The following FIG4 variants were observed in gnomAD, a reference collection of about 807,000 sequenced individuals.
FIG4 encodes FIG4 phosphoinositide 5-phosphatase.
In FIG4, 112 loss-of-function variants were observed where a neutral mutation model predicts 118.6. The observed-to-expected ratio is 0.94, with a 90% CI of 0.81 to 1.11. The LOEUF is 1.11. FIG4 is among the 50% of genes least tolerant of loss of function. The pLI is 0.00. For missense variants in FIG4, 969 were observed against 1,111.7 expected (o/e 0.87, Z 1.83); for synonymous variants, 369 against 381.2 (o/e 0.97, Z 0.37).
intron 10 of FIG4, among the ~76,000 whole-genome samples, chr6:109,759,426 A>C (rs117507381): frequency 0.02 from 3,083 of 152,234 alleles, 76 homozygotes; most frequent in East Asian, 0.09. Context: ...AGAAAAAAAA[A>C]GAAAAAAAAC....
intron 3 of FIG4, among the ~76,000 whole-genome samples, chr6:109,722,495 A>G (rs1285680920): frequency 3.9e-5 from 6 of 152,094 alleles, no homozygotes; most frequent in Non-Finnish European, 5.9e-5. Flanking sequence ...CCTAGCTTAG[A>G]CTTTATAGAC....
At chr6:109,744,592 A>G (rs1328904799) in intron 10 of FIG4, among the ~76,000 whole-genome samples, 1 of 152,064 alleles carries the variant, frequency 6.6e-6, no homozygotes, top group African/African-American at 2.4e-5. Context: ...TGAAAAACCA[A>G]GGAAGCCTGT....
At chr6:109,773,261 G>C (rs1299360795) in intron 15 of FIG4, among the ~76,000 whole-genome samples, 1 of 152,156 alleles carries the variant, frequency 6.6e-6, no homozygotes, top group Non-Finnish European at 1.5e-5. Context: ...TGCAGTTGAT[G>C]ATGAGTAACC....
At chr6:109,749,621 A>AAAATAAAATAAAATAAAAT (rs1562660646) in intron 10 of FIG4, among the ~76,000 whole-genome samples, 3 of 23,484 alleles carry the variant, frequency 1.3e-4, no homozygotes, top group African/African-American at 5.9e-4. Flanking sequence ...TAAAATAAAA[A>AAAATAAAATAAAATAAAAT]GTAAGTTCAT....
At chr6:109,744,786 C>G (rs1011240605) in intron 10 of FIG4, among the ~76,000 whole-genome samples, 48 of 152,016 alleles carry the variant, frequency 3.2e-4, no homozygotes, top group African/African-American at 8.9e-4. Context: ...GCTATCCTTC[C>G]CCTATCCCCC....
chr6:109,736,204 G>A lies in FIG4; in HGVS notation c.646+906G>A, dbSNP rs114040364. Among the ~76,000 whole-genome samples the A allele has an allele frequency of 3.8e-3, 577 of 152,274 alleles. 5 individuals carry two copies. Among genetic ancestry groups the A allele is most frequent in the African/African-American group, 0.013 (551 of 41,564 alleles). On this transcript the variant is annotated intron_variant, in intron 6 of 22. Transcript: ENST00000230124. ...GTGATGAACATGTGGGTGCAGAGGT[G>A]CAGAGGTAGAATCCAATCTAAAGTA...
At chr6:109,808,272 A>G (rs1290859094) in intron 22 of FIG4, among the ~76,000 whole-genome samples, 1 of 143,742 alleles carries the variant, frequency 7.0e-6, no homozygotes, top group Non-Finnish European at 1.5e-5. Flanking sequence ...AGACCCTTTC[A>G]TTGGGTCTGT....
chr6:109,745,894 A>T lies in FIG4; in HGVS notation c.1137+2122A>T, dbSNP rs1252190309. 2.6e-5 allele frequency among the ~76,000 whole-genome samples: 4 copies of T among 152,180 alleles called. No homozygotes were observed. The East Asian group carries it at 5.8e-4, about 22-fold the overall frequency. The stretch of plus-strand genomic sequence containing the variant: ...ATTGACTTTCTTCACAGAATTAGAA[A>T]AAGCTACTTTAAATTTCATGTGGAA... On this transcript the variant is annotated intron_variant, in intron 10 of 22. Coordinates refer to ENST00000230124, the MANE Select transcript of FIG4 (RefSeq NM_014845.6).
chr6:109,750,316 C>G (rs1002550193), intron 10 of FIG4, among the ~76,000 whole-genome samples: 13 of 152,118 alleles, frequency 8.5e-5, no homozygotes, highest in Admixed American at 3.3e-4. Context: ...CCATGCATGG[C>G]TGTTAGGGGG....
chr6:109,749,055 C>CTGTGTGTGTG (rs113357544), intron 10 of FIG4, among the ~76,000 whole-genome samples: 2,616 of 132,420 alleles, frequency 0.02, 46 homozygotes, highest in Admixed American at 0.042. Context: ...CAAAGGAGCT[C>CTGTGTGTGTG]TGTGTGTGTG....
intron 10 of FIG4, among the ~76,000 whole-genome samples, chr6:109,751,436 G>GTC (rs2128388723): frequency 6.6e-6 from 1 of 152,300 alleles, no homozygotes; most frequent in South Asian, 2.1e-4. Flanking sequence ...CATAAAATGA[G>GTC]TTAGGGAGGA....
At chr6:109,779,874 C>T (rs1015698879) in intron 16 of FIG4, among the ~76,000 whole-genome samples, 18 of 152,156 alleles carry the variant, frequency 1.2e-4, no homozygotes, top group Non-Finnish European at 1.5e-4. Context: ...ATGTGGCCTG[C>T]GACCCATTAA....
chr6:109,735,153 C>T lies in FIG4; in HGVS notation c.501C>T (p.Tyr167=). ...VDLSSNFYFS[Y]SYDLSHSLQY... ...TAAGTTTCAATTCTGTTCTCAGTTA[C>T]AGCTATGATTTGTCCCACTCACTTC... The change falls in exon 6 of 23, where the codon TAC becomes TAT. Residue 167 remains tyrosine (Y), a synonymous_variant. Transcript: ENST00000230124. The T allele has an allele frequency of 1.2e-6, 2 of 1,611,952 alleles. No homozygotes were observed. The highest frequency in any genetic ancestry group is 1.7e-6 in the Non-Finnish European group (2 of 1,178,348).
intron 10 of FIG4, among the ~76,000 whole-genome samples, chr6:109,751,874 C>T (rs1462689230): frequency 2.0e-5 from 3 of 147,016 alleles, no homozygotes; most frequent in Admixed American, 6.9e-5. Context: ...TTTTAGGGTA[C>T]GTGTGCACAA....
intron 16 of FIG4, among the ~76,000 whole-genome samples, chr6:109,783,647 C>T (rs1391613196): frequency 1.2e-4 from 18 of 152,240 alleles, no homozygotes; most frequent in Admixed American, 1.2e-3. Context: ...GAATTCTTCA[C>T]AAGCAGCAGC....
intron 10 of FIG4, among the ~76,000 whole-genome samples, chr6:109,749,944 T>G (rs1240482177): frequency 6.6e-6 from 1 of 152,200 alleles, no homozygotes; most frequent in African/African-American, 2.4e-5. Flanking sequence ...AAATATTTTG[T>G]TGTTTATAGC....
At chr6:109,807,498 T>C (rs1186707902) in intron 22 of FIG4, among the ~76,000 whole-genome samples, 2 of 152,244 alleles carry the variant, frequency 1.3e-5, no homozygotes, top group African/African-American at 4.8e-5. Context: ...TTGTAGATTC[T>C]GGATATTAGA....
chr6:109,770,331 G>A (rs1346161496), intron 15 of FIG4, among the ~76,000 whole-genome samples: 1 of 151,926 alleles, frequency 6.6e-6, no homozygotes, highest in Non-Finnish European at 1.5e-5. Context: ...GTTAATAATA[G>A]ATCTGCTGTA....
At chr6:109,787,401 G>A (rs1778003929) in intron 18 of FIG4, among the ~76,000 whole-genome samples, 1 of 152,116 alleles carries the variant, frequency 6.6e-6, no homozygotes, top group Non-Finnish European at 1.5e-5. Context: ...AGATAGTTAG[G>A]AACAGTTCGA....
Sources: gnomAD v4.1 joint callset for allele counts (sites outside exome capture counted in the v4.1 genomes callset) on GRCh38, gnomAD v4.1.1 for gene constraint, MANE v1.5 for transcripts, NCBI Gene and HGNC (gene_info 2026-07-23, HGNC 2026-07-21) for gene names.